DUSP29: variants seen among roughly 807,000 people sequenced by gnomAD.
DUSP29 encodes the protein dual specificity phosphatase 29.
A neutral mutation model predicts 13.5 loss-of-function variants in DUSP29; 12 were observed. The observed-to-expected ratio is 0.89, with a 90% CI of 0.57 to 1.44. The LOEUF is 1.44. Among genes scored for constraint, DUSP29 ranks in the 40% most tolerant of loss-of-function variants. The pLI is 0.00. For synonymous variants in DUSP29, 134 were observed against 128.7 expected, an observed-to-expected ratio of 1.04 and a Z score of -0.28; for missense variants, 308 against 301.1, an observed-to-expected ratio of 1.02 and a Z score of -0.17.
chr10:75,058,397 C>T lies in DUSP29; in HGVS notation c.118G>A (p.Glu40Lys). 6.2e-7 allele frequency: 1 copy of T among 1,614,244 alleles called. No homozygotes were observed. The highest frequency in any genetic ancestry group is 1.6e-4 in the Middle Eastern group (1 of 6,062). ...EEDYCTPGAF[E>K]LERLFWKGSP... ...CCCTTCCAGAAGAGCCGCTCCAGCT[C>T]AAAGGCTCCAGGGGTGCAGTAGTCC... Residue 40 changes from glutamate to lysine, a missense_variant, in exon 2 of 4, where the codon GAG becomes AAG. Physicochemically the swap from Glu to Lys is moderately conservative, Grantham distance 56 (BLOSUM62 1). Coordinates refer to ENST00000338487, the MANE Select transcript of DUSP29 (RefSeq NM_001003892.3).
chr10:75,070,342 T>A (rs922817017), intron 1 of DUSP29, among the ~76,000 whole-genome samples: 1 of 152,162 alleles, frequency 6.6e-6, no homozygotes, highest in Non-Finnish European at 1.5e-5. Flanking sequence ...AGGGCATGCC[T>A]GGGCCTCTCA....
At chr10:75,038,563 C>T (rs922060029) in intron 3 of DUSP29, among the ~76,000 whole-genome samples, 6 of 152,278 alleles carry the variant, frequency 3.9e-5, no homozygotes, top group Admixed American at 2.0e-4. Flanking sequence ...ATAACCAAAG[C>T]GTTTCTTCCT....
intron 2 of DUSP29, among the ~76,000 whole-genome samples, chr10:75,056,147 G>T (rs912827818): frequency 6.6e-6 from 1 of 152,058 alleles, no homozygotes; most frequent in African/African-American, 2.4e-5. Flanking sequence ...CTGCCCTCAA[G>T]CGATCCTCCT....
At chr10:75,073,454 T>C (rs974262077) in intron 1 of DUSP29, among the ~76,000 whole-genome samples, 115 bp downstream of exon 1, 11 of 152,246 alleles carry the variant, frequency 7.2e-5, no homozygotes, top group South Asian at 4.1e-4. Context: ...GGTCGGCTAT[T>C]CCCCACAGCA....
At chr10:75,046,780 T>C (rs1202433099) in intron 2 of DUSP29, among the ~76,000 whole-genome samples, 1 of 152,220 alleles carries the variant, frequency 6.6e-6, no homozygotes, top group Non-Finnish European at 1.5e-5. Context: ...CAACAAACAT[T>C]ATGCTTTGGG....
chr10:75,065,004 C>A (rs999084147), intron 1 of DUSP29, among the ~76,000 whole-genome samples: 1 of 152,182 alleles, frequency 6.6e-6, no homozygotes, highest in Non-Finnish European at 1.5e-5. Flanking sequence ...TTCTATTTTG[C>A]GATTTCTACC....
intron 1 of DUSP29, among the ~76,000 whole-genome samples, chr10:75,070,979 G>A (rs1372343515): frequency 1.3e-5 from 2 of 152,230 alleles, no homozygotes; most frequent in South Asian, 2.1e-4. Context: ...TGGAGTGGCT[G>A]TTTCCAGGCC....
At chr10:75,072,112 C>T (rs1227478101) in intron 1 of DUSP29, among the ~76,000 whole-genome samples, 1 of 152,190 alleles carries the variant, frequency 6.6e-6, no homozygotes, top group Non-Finnish European at 1.5e-5. Context: ...CACTCTTCTC[C>T]AAGCCCACAT....
intron 2 of DUSP29, among the ~76,000 whole-genome samples, chr10:75,051,264 T>C (rs949739141): frequency 6.6e-6 from 1 of 152,224 alleles, no homozygotes; most frequent in Admixed American, 6.5e-5. Flanking sequence ...ACCTTCCTCA[T>C]ACACTGTGAA....
intron 2 of DUSP29, among the ~76,000 whole-genome samples, chr10:75,056,887 T>C (rs1846971351): frequency 6.6e-6 from 1 of 152,034 alleles, no homozygotes; most frequent in African/African-American, 2.4e-5. Context: ...TTTTTCAATT[T>C]AAAAAAAGAA....
chr10:75,046,782 T>C (rs1683642336), intron 2 of DUSP29, among the ~76,000 whole-genome samples: 1 of 152,246 alleles, frequency 6.6e-6, no homozygotes, highest in South Asian at 2.1e-4. Context: ...ACAAACATTA[T>C]GCTTTGGGGA....
At chr10:75,071,927 C>T (rs1847337908) in intron 1 of DUSP29, among the ~76,000 whole-genome samples, 1 of 152,228 alleles carries the variant, frequency 6.6e-6, no homozygotes, top group Non-Finnish European at 1.5e-5. Flanking sequence ...GGCAGAAGAT[C>T]ACGCCGACAG....
chr10:75,060,479 A>AC (rs962914265), intron 1 of DUSP29, among the ~76,000 whole-genome samples: 4 of 152,084 alleles, frequency 2.6e-5, no homozygotes, highest in African/African-American at 9.7e-5. Context: ...AAAAAAAAAA[A>AC]AAAAAACCCA....
chr10:75,043,796 C>A lies in DUSP29; in HGVS notation c.421+1G>T. ...TCGGGGCGGGGCCGCGGGTCTCTTA[C>A]TGTGGTCGTCGCTTAGCGCTCTGTC... is the stretch of plus-strand genomic sequence containing the variant. On this transcript the variant is annotated splice_donor_variant, in intron 3 of 3. Transcript: ENST00000338487. LOFTEE classifies it high-confidence loss of function. The A allele has an allele frequency of 6.2e-7, 1 of 1,611,826 alleles. No homozygotes were observed. The highest frequency in any genetic ancestry group is 8.5e-7 in the Non-Finnish European group (1 of 1,179,776).
chr10:75,071,666 T>G (rs986000435), intron 1 of DUSP29, among the ~76,000 whole-genome samples: 4 of 152,154 alleles, frequency 2.6e-5, no homozygotes, highest in African/African-American at 9.7e-5. Flanking sequence ...CCAAGTGAGA[T>G]CCTGATACCG....
At chr10:75,051,139 G>T (rs1245384090) in intron 2 of DUSP29, among the ~76,000 whole-genome samples, 1 of 152,164 alleles carries the variant, frequency 6.6e-6, no homozygotes, top group Non-Finnish European at 1.5e-5. Flanking sequence ...CCAACACTCT[G>T]CCCTGGGTCA....
chr10:75,042,638 G>A (rs1846610642), intron 3 of DUSP29, among the ~76,000 whole-genome samples: 1 of 152,216 alleles, frequency 6.6e-6, no homozygotes, highest in Non-Finnish European at 1.5e-5. Context: ...ATGACAAATT[G>A]TTGGTGGCTA....
At chr10:75,039,538 G>C (rs1180629051) in intron 3 of DUSP29, among the ~76,000 whole-genome samples, 1 of 152,126 alleles carries the variant, frequency 6.6e-6, no homozygotes, top group East Asian at 1.9e-4. Flanking sequence ...CCCAAATCCA[G>C]AATCTCTACT....
At chr10:75,047,681 G>C (rs1450867601) in intron 2 of DUSP29, among the ~76,000 whole-genome samples, 2 of 152,122 alleles carry the variant, frequency 1.3e-5, no homozygotes, top group Admixed American at 6.5e-5. Flanking sequence ...TTTAGTTTCT[G>C]GTTAGGCACA....
Sources: allele counts gnomAD v4.1 joint callset (sites outside exome capture counted in the v4.1 genomes callset), GRCh38; gene constraint gnomAD v4.1.1; transcripts MANE v1.5; gene names NCBI Gene and HGNC (gene_info 2026-07-23, HGNC 2026-07-21).